The following INTS7 variants were observed in gnomAD, a reference collection of about 807,000 sequenced individuals.
INTS7 encodes chromosome 1 open reading frame 73.
In INTS7, 46 loss-of-function variants were observed where a neutral mutation model predicts 109.2. The observed-to-expected ratio is 0.42, with a 90% CI of 0.33 to 0.54. INTS7 has a LOEUF of 0.54. Ranked by LOEUF, INTS7 falls within the 20% of genes least tolerant of loss-of-function variation. The probability of loss-of-function intolerance (pLI) is 0.07; values close to 1 mark genes in which losing one functional copy is unlikely to be tolerated. For synonymous variants in INTS7, 412 were observed against 402.9 expected (o/e 1.02, Z -0.27); for missense variants, 929 against 1,132.4 (o/e 0.82, Z 2.58).
At chr1:212,010,573 T>C (rs568188047) in intron 5 of INTS7, among the ~76,000 whole-genome samples, 1 of 152,178 alleles carries the variant, frequency 6.6e-6, no homozygotes, top group Admixed American at 6.5e-5. Flanking sequence ...CTTTGGTGAA[T>C]GATGGACCAC....
Position 211,946,777 on chromosome 1 carries a change from A to G in INTS7, c.2317-72T>C. 1 of 994,932 alleles carries G rather than the reference A, an allele frequency of 1.0e-6. No individual in the cohort carries two copies. Among genetic ancestry groups the G allele is most frequent in the Non-Finnish European group, 1.5e-6 (1 of 652,218 alleles). 61.6% of individuals were successfully genotyped at this position (994,932 alleles called of 1,614,324 possible). A position where few individuals can be genotyped will look rare whatever the true frequency, so the allele number is the denominator to read the frequency against. Reference sequence around the variant, plus strand: ...TTCATCAACAAGTGGTACATTCAGTATAAAACTACAAATGCCCATATAGAT... The same window carrying G: ...TTCATCAACAAGTGGTACATTCAGTGTAAAACTACAAATGCCCATATAGAT... On this transcript the variant is annotated intron_variant, in intron 17 of 19. Coordinates refer to ENST00000366994, the MANE Select transcript of INTS7 (RefSeq NM_015434.4). The surrounding 1 kb of genome is among the most constrained non-coding windows in gnomAD (Gnocchi z 4.3).
At position 212,007,271 on chromosome 1, in the gene INTS7, A is replaced by C. The variant is rs757222801; in HGVS notation, c.735T>G (p.Ser245=). The change falls in exon 6 of 20, where the codon TCT becomes TCG. Residue 245 remains serine, a synonymous_variant. Coordinates refer to ENST00000366994, the MANE Select transcript of INTS7 (RefSeq NM_015434.4). The part of the protein sequence containing the change: ...LHTFTLLAAS[S]LVDTPKQIQL... ...TTACCTGCTTAGGTGTATCAACCAA[A>C]GATGACGCTGCAAGCAGAGTGAAAG... The C allele has an allele frequency of 7.4e-6, 12 of 1,613,822 alleles. No individual in the cohort carries two copies. The highest frequency in any genetic ancestry group is 1.0e-5 in the Non-Finnish European group (12 of 1,179,776).
intron 17 of INTS7, 89 bp downstream of exon 17, chr1:211,952,480 A>C: frequency 2.3e-6 from 3 of 1,332,306 alleles, no homozygotes; most frequent in South Asian, 1.3e-5. Context: ...CAGAAAGGTT[A>C]ATTTGTTGAA....
chr1:212,026,644 A>G lies in INTS7; in HGVS notation c.95-5432T>C, dbSNP rs184670148. Among the ~76,000 whole-genome samples the G allele has an allele frequency of 5.2e-3, 789 of 152,310 alleles. 4 individuals are homozygous for G. Among genetic ancestry groups the G allele is most frequent in the Middle Eastern group, 0.01 (3 of 294 alleles). On this transcript the variant is annotated intron_variant, in intron 1 of 19. Coordinates refer to ENST00000366994, the MANE Select transcript of INTS7 (RefSeq NM_015434.4). ...ACAGGGCAGAGAAGGGGAAAGACATAGCTGAGGATGGAGGTGAGAAGGAAC... is the reference window on the plus strand; with the variant it reads ...ACAGGGCAGAGAAGGGGAAAGACATGGCTGAGGATGGAGGTGAGAAGGAAC...
intron 1 of INTS7, among the ~76,000 whole-genome samples, chr1:212,027,480 A>AC (rs1188977525): frequency 9.8e-5 from 15 of 152,294 alleles, no homozygotes. Context: ...CCAAAAAAAA[A>AC]CAAAAACAAA....
chr1:211,985,907 G>C (rs1334826957), intron 8 of INTS7, among the ~76,000 whole-genome samples: 1 of 152,198 alleles, frequency 6.6e-6, no homozygotes, highest in African/African-American at 2.4e-5. Context: ...AACACACTGG[G>C]TGATTTATGC....
intron 17 of INTS7, among the ~76,000 whole-genome samples, chr1:211,951,203 ATGTT>A (rs1663066818): frequency 6.6e-6 from 1 of 152,204 alleles, no homozygotes; most frequent in Admixed American, 6.5e-5. Flanking sequence ...TGGGAACTGA[ATGTT>A]TGTGTTCCCC....
rs1045870478 is a variant in INTS7, at chr1:211,959,144, C to T, written c.2184-6443G>A. 3.9e-5 allele frequency among the ~76,000 whole-genome samples: 6 copies of T among 152,276 alleles called. No individual in the cohort carries two copies. The highest frequency in any genetic ancestry group is 1.9e-4 in the East Asian group (1 of 5,182). Reference sequence around the variant, plus strand: ...GGCTGCTTAGAGAAGTGTTAGGGGCCGTATTCTAGCCAATGCAGAGCCCAA... The same window carrying T: ...GGCTGCTTAGAGAAGTGTTAGGGGCTGTATTCTAGCCAATGCAGAGCCCAA... On this transcript the variant is annotated intron_variant, in intron 16 of 19. Coordinates refer to ENST00000366994, the MANE Select transcript of INTS7 (RefSeq NM_015434.4). This position sits in a 1 kb window ranked among gnomAD's most constrained non-coding sequence, Gnocchi z 4.2.
intron 7 of INTS7, among the ~76,000 whole-genome samples, chr1:211,998,860 G>A (rs1431610735): frequency 1.3e-5 from 2 of 151,920 alleles, no homozygotes; most frequent in Non-Finnish European, 2.9e-5. Flanking sequence ...ATTAGAATAG[G>A]CACTTCACTG....
chr1:211,979,227 A>G (rs1664546348), intron 10 of INTS7, among the ~76,000 whole-genome samples: 1 of 152,178 alleles, frequency 6.6e-6, no homozygotes, highest in Non-Finnish European at 1.5e-5. Context: ...CTACCACATC[A>G]TAAATCTCTT....
intron 8 of INTS7, among the ~76,000 whole-genome samples, chr1:211,983,365 C>T (rs1202281363): frequency 6.6e-6 from 1 of 152,054 alleles, no homozygotes; most frequent in African/African-American, 2.4e-5. Context: ...AGAATCTTGC[C>T]ATTAAGTTCA....
intron 16 of INTS7, among the ~76,000 whole-genome samples, chr1:211,963,103 T>C (rs910923342): frequency 2.6e-5 from 4 of 151,940 alleles, no homozygotes; most frequent in African/African-American, 9.7e-5. Context: ...AAAATTAGTA[T>C]CTATTTGATA....
intron 7 of INTS7, among the ~76,000 whole-genome samples, chr1:211,998,189 T>G (rs1357041499): frequency 2.6e-5 from 4 of 152,154 alleles, no homozygotes; most frequent in Non-Finnish European, 5.9e-5. Flanking sequence ...ACTCCTAAAC[T>G]CCTCACCTCA....
intron 1 of INTS7, among the ~76,000 whole-genome samples, chr1:212,030,585 G>A (rs1033152833): frequency 2.0e-5 from 3 of 152,078 alleles, no homozygotes; most frequent in Admixed American, 1.3e-4. Flanking sequence ...CACTGCGCCC[G>A]GCCTAATTCT....
intron 1 of INTS7, among the ~76,000 whole-genome samples, chr1:212,024,839 C>T (rs2102496810): frequency 6.6e-6 from 1 of 152,272 alleles, no homozygotes; most frequent in East Asian, 1.9e-4. Context: ...GACATGGCTC[C>T]TAGCATTGAA....
intron 1 of INTS7, among the ~76,000 whole-genome samples, chr1:212,027,010 T>A (rs926323600): frequency 1.3e-5 from 2 of 152,230 alleles, no homozygotes; most frequent in Non-Finnish European, 2.9e-5. Context: ...ATCATCAAAC[T>A]TTTTTCTCTG....
rs1301041149 is a variant in INTS7, at chr1:211,946,594, C to G, written c.2415+13G>C. The G allele has an allele frequency of 7.4e-6, 11 of 1,494,948 alleles. No individual in the cohort carries two copies. The highest frequency in any genetic ancestry group is 3.4e-5 in the Admixed American group (2 of 59,606). The allele number at this position is 1,494,948 out of a possible 1,614,324, so 92.6% of individuals were successfully genotyped here. ...TAAAACCTATATTAACCTTAGTATT[C>G]TTCCTGTATTACCTTGATGCTGGTA... On this transcript the variant is annotated intron_variant, in intron 18 of 19. Coordinates refer to ENST00000366994, the MANE Select transcript of INTS7 (RefSeq NM_015434.4). This position sits in a 1 kb window ranked among gnomAD's most constrained non-coding sequence, Gnocchi z 4.3.
At chr1:212,001,214 T>A (rs1336223529) in intron 7 of INTS7, among the ~76,000 whole-genome samples, 1 of 152,100 alleles carries the variant, frequency 6.6e-6, no homozygotes, top group African/African-American at 2.4e-5. Context: ...ATTACAGGCA[T>A]GCGCCATCAC....
intron 1 of INTS7, among the ~76,000 whole-genome samples, chr1:212,034,685 GC>G (rs1207057374): frequency 6.6e-6 from 1 of 152,126 alleles, no homozygotes; most frequent in African/African-American, 2.4e-5. Flanking sequence ...AATTCTGCCG[GC>G]TCAATGGTAC....
Sources: allele counts gnomAD v4.1 joint callset (sites outside exome capture counted in the v4.1 genomes callset), GRCh38; gene constraint gnomAD v4.1.1; non-coding constraint Gnocchi (gnomAD v3.1); transcripts MANE v1.5; gene names NCBI Gene and HGNC (gene_info 2026-07-23, HGNC 2026-07-21).